Variants in NKAIN3 observed in about 807,000 individuals in gnomAD.
NKAIN3 encodes the protein sodium/potassium-transporting ATPase subunit beta-1-interacting protein 3.
A neutral mutation model predicts 30.2 loss-of-function variants in NKAIN3; 25 were observed. The observed-to-expected ratio is 0.83, with a 90% confidence interval of 0.60 to 1.16. The LOEUF (loss-of-function observed/expected upper bound fraction) is 1.16, where lower values mean the gene tolerates loss of function less well. Ranked by LOEUF, NKAIN3 falls within the 50% of genes most tolerant of loss-of-function variation. The pLI is 0.00. For synonymous variants in NKAIN3, 91 were observed against 89.6 expected (o/e 1.02, Z -0.09); for missense variants, 225 against 254.1 (o/e 0.89, Z 0.78).
intron 3 of NKAIN3, among the ~76,000 whole-genome samples, chr8:62,594,401 G>T (rs748911627): frequency 6.6e-6 from 1 of 152,008 alleles, no homozygotes; most frequent in Non-Finnish European, 1.5e-5. Flanking sequence ...TGAATTGTTT[G>T]TCACCACCTG....
At chr8:62,965,313 G>T in intron 6 of NKAIN3, 41 bp from the exon 7 acceptor site, 1 of 985,816 alleles carries the variant, frequency 1.0e-6, no homozygotes, top group Non-Finnish European at 1.2e-6. Flanking sequence ...TTAGCTGTCA[G>T]CTTTGAAGTT....
chr8:62,912,090 T>G (rs1425498750), intron 4 of NKAIN3, among the ~76,000 whole-genome samples: 2 of 152,194 alleles, frequency 1.3e-5, no homozygotes, highest in Admixed American at 6.5e-5. Context: ...ACTACACACC[T>G]AGGCTACAAA....
intron 3 of NKAIN3, among the ~76,000 whole-genome samples, chr8:62,637,420 A>G (rs543801760): frequency 6.6e-6 from 1 of 152,316 alleles, no homozygotes; most frequent in African/African-American, 2.4e-5. Flanking sequence ...GTAAGGAGAC[A>G]CTAATCAGTT....
intron 3 of NKAIN3, among the ~76,000 whole-genome samples, chr8:62,616,667 G>A (rs889324775): frequency 7.2e-5 from 11 of 151,860 alleles, no homozygotes; most frequent in South Asian, 2.1e-4. Context: ...TTAAATCATC[G>A]TCCACTGGTG....
rs540988083 is a variant in NKAIN3 at position 62,748,861 on chromosome 8, C to T, written c.471+1732C>T. 1.1e-3 allele frequency among the ~76,000 whole-genome samples: 163 copies of T among 152,248 alleles called. 1 individual carries two copies. Among genetic ancestry groups the T allele is most frequent in the Admixed American group, 4.3e-3 (66 of 15,300 alleles). ...TATTTACAGGTATAAATATAATATA[C>T]AGTCACTTGCCAATATATGCTTATC... On this transcript the variant is annotated intron_variant, in intron 4 of 6. Coordinates refer to ENST00000623646, the MANE Select transcript of NKAIN3 (RefSeq NM_001304533.3).
Position 62,589,850 on chromosome 8 carries a change from G to A in NKAIN3, c.273+56G>A. 4 of 847,110 alleles carry A rather than the reference G, an allele frequency of 4.7e-6. No individual in the cohort carries two copies. In the South Asian group the frequency reaches 5.8e-5, roughly 12 times the overall value. 52.5% of individuals were successfully genotyped at this position (847,110 alleles called of 1,614,324 possible). ...TAAAATGAGTACACTTCTAAGTATT[G>A]TGACTACATACATATATAGGTATAT... On this transcript the variant is annotated intron_variant, in intron 3 of 6. Transcript: ENST00000623646.
chr8:62,552,916 T>C (rs1300594749), intron 1 of NKAIN3, among the ~76,000 whole-genome samples: 2 of 152,144 alleles, frequency 1.3e-5, no homozygotes, highest in Non-Finnish European at 1.5e-5. Context: ...GCAATCATGC[T>C]GGTAAGTCAA....
At chr8:62,456,145 TG>T (rs1442034917) in intron 1 of NKAIN3, among the ~76,000 whole-genome samples, 5 of 152,192 alleles carry the variant, frequency 3.3e-5, no homozygotes, top group African/African-American at 1.2e-4. Flanking sequence ...TTAATATTTT[TG>T]GGTCACAGTT....
chr8:62,786,895 A>G (rs117028961), intron 4 of NKAIN3, among the ~76,000 whole-genome samples: 5,214 of 152,244 alleles, frequency 0.034, 113 homozygotes, highest in South Asian at 0.053. Flanking sequence ...CTGGAGGACA[A>G]TTGTAAGCAT....
chr8:62,408,738 C>G (rs1389003796), intron 1 of NKAIN3, among the ~76,000 whole-genome samples: 4 of 152,114 alleles, frequency 2.6e-5, no homozygotes, highest in African/African-American at 7.2e-5. Context: ...TTACCATGTC[C>G]AAACAGCATT....
intron 1 of NKAIN3, among the ~76,000 whole-genome samples, chr8:62,547,190 T>G (rs1809044114): frequency 6.6e-6 from 1 of 152,174 alleles, no homozygotes; most frequent in African/African-American, 2.4e-5. Flanking sequence ...TGATCTGTAT[T>G]TTATGTGAGC....
At chr8:62,870,256 A>ATAGATATCTATAGATATCTATATC (rs1820572286) in intron 4 of NKAIN3, among the ~76,000 whole-genome samples, 1 of 45,602 alleles carries the variant, frequency 2.2e-5, no homozygotes, top group Non-Finnish European at 4.5e-5. Context: ...ATATCTATAT[A>ATAGATATCTATAGATATCTATATC]TATATCTATA....
chr8:62,326,108 TA>T (rs1205537390), intron 1 of NKAIN3, among the ~76,000 whole-genome samples: 2 of 152,042 alleles, frequency 1.3e-5, no homozygotes, highest in African/African-American at 4.8e-5. Context: ...GAAATAAAGA[TA>T]AAAATGTATT....
At chr8:62,603,010 C>T (rs1811028870) in intron 3 of NKAIN3, among the ~76,000 whole-genome samples, 2 of 152,102 alleles carry the variant, frequency 1.3e-5, no homozygotes, top group South Asian at 4.1e-4. Context: ...ACTTTTATAG[C>T]TTATATTCAA....
At chr8:62,543,940 G>T (rs1808925161) in intron 1 of NKAIN3, among the ~76,000 whole-genome samples, 1 of 152,086 alleles carries the variant, frequency 6.6e-6, no homozygotes. Context: ...TAAGAGAAAT[G>T]TCAAAGACAT....
chr8:62,961,384 C>G (rs1019293997), intron 6 of NKAIN3, among the ~76,000 whole-genome samples: 1 of 152,038 alleles, frequency 6.6e-6, no homozygotes, highest in African/African-American at 2.4e-5. Flanking sequence ...TAAAGTCAAG[C>G]CTGACCTTGG....
intron 1 of NKAIN3, among the ~76,000 whole-genome samples, chr8:62,519,898 C>T (rs1327098388): frequency 6.6e-6 from 1 of 152,140 alleles, no homozygotes; most frequent in African/African-American, 2.4e-5. Flanking sequence ...CTGGCCAGAT[C>T]AGAGGCCTTC....
chr8:62,502,992 G>T (rs149983597), intron 1 of NKAIN3, among the ~76,000 whole-genome samples: 517 of 152,260 alleles, frequency 3.4e-3, no homozygotes, highest in African/African-American at 0.012. Flanking sequence ...GTACTGGTTT[G>T]GTCCATGACG....
chr8:62,441,486 C>A (rs1171365871), intron 1 of NKAIN3, among the ~76,000 whole-genome samples: 1 of 151,920 alleles, frequency 6.6e-6, no homozygotes, highest in East Asian at 1.9e-4. Flanking sequence ...ATTGTTTACA[C>A]AACTATTATT....
Sources: allele counts gnomAD v4.1 joint callset (sites outside exome capture counted in the v4.1 genomes callset), GRCh38; gene constraint gnomAD v4.1.1; transcripts MANE v1.5; gene names NCBI Gene and HGNC (gene_info 2026-07-23, HGNC 2026-07-21).